The following EPHA6 variants were observed in gnomAD, a reference collection of about 807,000 sequenced individuals.
The protein encoded by EPHA6 is ephrin type-A receptor 6.
A neutral mutation model predicts 112.0 loss-of-function variants in EPHA6; 50 were observed. The ratio of observed to expected loss-of-function variants is 0.45; its 90% CI spans 0.36 to 0.56. The LOEUF is 0.56. EPHA6 is among the 20% of genes least tolerant of loss of function. EPHA6 has a pLI of 0.00. For synonymous variants in EPHA6, 529 were observed against 490.7 expected, an observed-to-expected ratio of 1.08 and a Z score of -1.03; for missense variants, 1,280 against 1,417.4, an observed-to-expected ratio of 0.90 and a Z score of 1.56.
intron 2 of EPHA6, among the ~76,000 whole-genome samples, chr3:96,979,800 A>T (rs1306473656): frequency 6.6e-6 from 1 of 152,216 alleles, no homozygotes; most frequent in Non-Finnish European, 1.5e-5. Context: ...TCTGATGGCC[A>T]GTGATGATGA....
At chr3:97,559,733 A>G (rs2093162818) in intron 11 of EPHA6, 4 of 421,514 alleles carry the variant, frequency 9.5e-6, no homozygotes, top group Non-Finnish European at 9.3e-6. Flanking sequence ...TTTTGCATGG[A>G]TAGACTTGCT....
Position 97,759,489 on chromosome 3 carries a change from A to G in EPHA6, c.*10788A>G, listed in dbSNP as rs906115899. The stretch of plus-strand genomic sequence containing the variant: ...TACAGCATATTTATCTACTAATGAA[A>G]ATGACTTGGCAGACAGGGGAAAACT... On this transcript the variant is annotated 3_prime_UTR_variant, in exon 18 of 18. Transcript: ENST00000389672. The G allele has an allele frequency of 4.3e-6, 1 of 230,082 alleles. No homozygotes were observed. Among genetic ancestry groups the G allele is most frequent in the Non-Finnish European group, 8.6e-6 (1 of 116,124 alleles). The allele number at this position is 230,082 out of a possible 1,614,324, so 14.3% of individuals were successfully genotyped here.
chr3:96,911,178 T>C (rs1353537598), intron 2 of EPHA6, among the ~76,000 whole-genome samples: 1 of 152,080 alleles, frequency 6.6e-6, no homozygotes, highest in Non-Finnish European at 1.5e-5. Flanking sequence ...GTTTTCTGTT[T>C]AATCTGATGA....
chr3:97,184,477 G>T (rs939945851), intron 3 of EPHA6, among the ~76,000 whole-genome samples: 3 of 152,276 alleles, frequency 2.0e-5, no homozygotes, highest in South Asian at 4.1e-4. Context: ...GCTTCACAGA[G>T]AATGAAATAC....
intron 7 of EPHA6, among the ~76,000 whole-genome samples, chr3:97,451,242 T>C (rs1486339683): frequency 6.6e-6 from 1 of 151,988 alleles, no homozygotes; most frequent in African/African-American, 2.4e-5. Flanking sequence ...TAGTAATACA[T>C]GCAAGACCCT....
At chr3:97,039,729 T>TTTCTATG (rs2045248815) in intron 3 of EPHA6, among the ~76,000 whole-genome samples, 1 of 152,060 alleles carries the variant, frequency 6.6e-6, no homozygotes, top group Non-Finnish European at 1.5e-5. Flanking sequence ...GTAAAGAGTT[T>TTTCTATG]GAAAACTGAC....
At chr3:97,081,422 A>G (rs542555309) in intron 3 of EPHA6, among the ~76,000 whole-genome samples, 1 of 152,078 alleles carries the variant, frequency 6.6e-6, no homozygotes, top group South Asian at 2.1e-4. Context: ...CAGAAAGCTA[A>G]TGTGCACCAT....
Position 97,700,670 on chromosome 3 carries a change from G to A in EPHA6, c.2785-19591G>A, listed in dbSNP as rs113737525. On this transcript the variant is annotated intron_variant, in intron 14 of 17. Coordinates refer to ENST00000389672, the MANE Select transcript of EPHA6 (RefSeq NM_001080448.3). ...AGGTACAACACCACCTAGGGTGTGG[G>A]ATATGGAGGAAAAAGAAATACACCA... 7.1e-3 allele frequency among the ~76,000 whole-genome samples: 1,085 copies of A among 152,238 alleles called. 8 individuals carry two copies. The highest frequency in any genetic ancestry group is 0.01 in the Non-Finnish European group (714 of 68,026).
At chr3:97,505,881 A>T (rs533454839) in intron 10 of EPHA6, among the ~76,000 whole-genome samples, 1 of 152,302 alleles carries the variant, frequency 6.6e-6, no homozygotes, top group South Asian at 2.1e-4. Flanking sequence ...CGCCATTCTA[A>T]CTGGCATGAG....
chr3:97,086,465 T>C (rs2046903652), intron 3 of EPHA6, among the ~76,000 whole-genome samples: 1 of 152,068 alleles, frequency 6.6e-6, no homozygotes, highest in African/African-American at 2.4e-5. Context: ...ATATTAAATA[T>C]ATTTCACATA....
chr3:97,217,493 T>A (rs1254351229), intron 3 of EPHA6, among the ~76,000 whole-genome samples: 2 of 152,152 alleles, frequency 1.3e-5, no homozygotes, highest in African/African-American at 4.8e-5. Context: ...ATGGCATAGA[T>A]TGTCAAATAG....
At chr3:97,514,158 T>C (rs1343711372) in intron 10 of EPHA6, among the ~76,000 whole-genome samples, 1 of 152,134 alleles carries the variant, frequency 6.6e-6, no homozygotes, top group East Asian at 1.9e-4. Flanking sequence ...AAAATCAGGG[T>C]GTTGGCAGAA....
At chr3:97,081,525 A>AT (rs1330729124) in intron 3 of EPHA6, among the ~76,000 whole-genome samples, 2 of 151,754 alleles carry the variant, frequency 1.3e-5, no homozygotes, top group Non-Finnish European at 3.0e-5. Flanking sequence ...GATTATGTGT[A>AT]TTTTTTCTTT....
rs558590291 is a variant in EPHA6 at position 97,574,171 on chromosome 3, T to C, written c.2387-18441T>C. Among the ~76,000 whole-genome samples the C allele has an allele frequency of 3.3e-5, 5 of 152,266 alleles. No homozygotes were observed. The South Asian group carries it at 1.0e-3, about 32-fold the overall frequency. On this transcript the variant is annotated intron_variant, in intron 11 of 17. Coordinates refer to ENST00000389672, the MANE Select transcript of EPHA6 (RefSeq NM_001080448.3). ...TAATTTCTTCTTGGAGAAATCTAAA[T>C]TTTATTATCAAATAGAGAAATGGTT... is the stretch of plus-strand genomic sequence containing the variant.
At chr3:97,547,533 GTCTGCCTGTTCTC>G (rs2092970752) in intron 11 of EPHA6, among the ~76,000 whole-genome samples, 1 of 152,216 alleles carries the variant, frequency 6.6e-6, no homozygotes, top group Non-Finnish European at 1.5e-5. Flanking sequence ...TGAGGAGGCA[GTCTGCCTGTTCTC>G]AGATCTCAAG....
intron 5 of EPHA6, among the ~76,000 whole-genome samples, chr3:97,267,487 G>A (rs76546382): frequency 0.066 from 10,060 of 152,082 alleles, 778 homozygotes; most frequent in Admixed American, 0.21. Context: ...TTTCCTGAGG[G>A]TGCAGTATGT....
Position 97,753,545 on chromosome 3 carries a change from T to A in EPHA6, c.*4844T>A, listed in dbSNP as rs996846390. On this transcript the variant is annotated 3_prime_UTR_variant, in exon 18 of 18. Transcript: ENST00000389672. ...ATCCTCTTCAGGAGTCACAGATTTT[T>A]ATTGTCTGATAGCATAGCTATCAGT... Among the ~76,000 whole-genome samples the A allele has an allele frequency of 6.6e-6, 1 of 152,196 alleles. No homozygotes were observed. Among genetic ancestry groups the A allele is most frequent in the African/African-American group, 2.4e-5 (1 of 41,436 alleles).
In EPHA6 at chr3:97,752,369, T is replaced by C; in HGVS notation, c.*3668T>C. The C allele has an allele frequency of 4.4e-6, 1 of 224,982 alleles. No individual in the cohort carries two copies. Among genetic ancestry groups the C allele is most frequent in the Non-Finnish European group, 8.9e-6 (1 of 112,822 alleles). The allele number at this position is 224,982 out of a possible 1,614,324, so 13.9% of individuals were successfully genotyped here. On this transcript the variant is annotated 3_prime_UTR_variant, in exon 18 of 18. Transcript: ENST00000389672. The stretch of plus-strand genomic sequence containing the variant: ...GTGTCTTTTCCTACCAAATTTCTGC[T>C]CTACAAGGCAGTCAGTTAAATCTCT...
At chr3:97,085,271 A>G (rs927709759) in intron 3 of EPHA6, among the ~76,000 whole-genome samples, 21 of 152,148 alleles carry the variant, frequency 1.4e-4, no homozygotes, top group African/African-American at 4.1e-4. Flanking sequence ...TCATGAACTC[A>G]ATGTTAGGAA....
Sources: allele counts gnomAD v4.1 joint callset (sites outside exome capture counted in the v4.1 genomes callset), GRCh38; gene constraint gnomAD v4.1.1; transcripts MANE v1.5; gene names NCBI Gene and HGNC (gene_info 2026-07-23, HGNC 2026-07-21).